RBFOX2: variants seen among roughly 807,000 people sequenced by gnomAD.
The protein encoded by RBFOX2 is RNA binding fox-1 homolog 2, also known as RNA binding protein fox-1 homolog 2.
Under a neutral mutation model 49.1 loss-of-function variants are expected in RBFOX2, and 10 were observed. The ratio of observed to expected loss-of-function variants is 0.20; its 90% CI spans 0.13 to 0.35. The LOEUF (loss-of-function observed/expected upper bound fraction) is 0.35. Ranked by LOEUF, RBFOX2 falls within the 10% of genes least tolerant of loss-of-function variation. RBFOX2 has a pLI of 1.00. For missense variants in RBFOX2, 323 were observed against 486.9 expected (o/e 0.66, Z 3.17); for synonymous variants, 183 against 187.4 (o/e 0.98, Z 0.19).
chr22:35,810,138 T>G lies in RBFOX2; in HGVS notation c.28-134A>C, dbSNP rs960334598. The G allele has an allele frequency of 1.5e-5, 12 of 796,146 alleles. 1 individual carries two copies. Among genetic ancestry groups the G allele is most frequent in the Non-Finnish European group, 2.2e-5 (11 of 501,118 alleles). 49.3% of individuals were successfully genotyped at this position (796,146 alleles called of 1,614,324 possible). A position where few individuals can be genotyped will look rare whatever the true frequency, so the allele number is the denominator to read the frequency against. ...AAATGGAATGCTTATTGCTCCAGGA[T>G]TGGAGAAAATATTATTACACATACA... On this transcript the variant is annotated intron_variant, in intron 1 of 11. Transcript: ENST00000405409.
At chr22:35,856,055 T>C (rs2042476911) in intron 1 of RBFOX2, among the ~76,000 whole-genome samples, 1 of 151,992 alleles carries the variant, frequency 6.6e-6, no homozygotes, top group South Asian at 2.1e-4. Context: ...TTAGAATGTC[T>C]GTTGAACAGA....
chr22:35,970,351 G>A (rs1005330711), intron 1 of RBFOX2, among the ~76,000 whole-genome samples: 7 of 151,942 alleles, frequency 4.6e-5, no homozygotes, highest in Non-Finnish European at 1.0e-4. Flanking sequence ...TGTACATTTA[G>A]CTCAAGAAAA....
chr22:35,961,743 C>T, upstream of RBFOX2: 1 of 1,225,040 alleles, frequency 8.2e-7, no homozygotes, highest in Non-Finnish European at 1.1e-6. Flanking sequence ...TTTCCGTTCT[C>T]CCCACACCAC....
chr22:35,913,533 T>C (rs1337127748), intron 1 of RBFOX2, among the ~76,000 whole-genome samples: 1 of 150,016 alleles, frequency 6.7e-6, no homozygotes, highest in Non-Finnish European at 1.5e-5. Flanking sequence ...ATCATTATAA[T>C]ATGTGTGTAT....
chr22:35,794,476 G>C (rs1948383520), intron 2 of RBFOX2, among the ~76,000 whole-genome samples: 1 of 152,058 alleles, frequency 6.6e-6, no homozygotes. Context: ...GGCTAACATG[G>C]TGAAACCCAG....
chr22:35,775,841 C>CAAAAAAAAAAAAAA (rs753116056), intron 4 of RBFOX2, among the ~76,000 whole-genome samples: 7 of 56,150 alleles, frequency 1.2e-4, no homozygotes, highest in African/African-American at 2.1e-4. Flanking sequence ...GAATCTGCCT[C>CAAAAAAAAAAAAAA]AAAAAAAAAA....
chr22:35,827,232 G>GTCCGGA (rs1275193556), intron 1 of RBFOX2, among the ~76,000 whole-genome samples: 1 of 152,156 alleles, frequency 6.6e-6, no homozygotes, highest in Non-Finnish European at 1.5e-5. Context: ...CATTTTCACA[G>GTCCGGA]TCCGGAGTGC....
At chr22:35,748,966 G>T (rs1318096510) in intron 9 of RBFOX2, among the ~76,000 whole-genome samples, 1 of 152,168 alleles carries the variant, frequency 6.6e-6, no homozygotes, top group Admixed American at 6.6e-5. Context: ...TAAAAAACAG[G>T]TTCTAAGTGA....
At chr22:35,961,898 CTT>C (rs927563139), upstream of RBFOX2, among the ~76,000 whole-genome samples, 4 of 152,272 alleles carry the variant, frequency 2.6e-5, no homozygotes, top group Admixed American at 2.0e-4. Flanking sequence ...AAAGTGGCTG[CTT>C]CACCTCCTCC....
At chr22:35,771,988 T>C (rs955537300) in intron 4 of RBFOX2, among the ~76,000 whole-genome samples, 2 of 152,168 alleles carry the variant, frequency 1.3e-5, no homozygotes, top group African/African-American at 4.8e-5. Context: ...TAAAATTATG[T>C]CTAAATCTAA....
chr22:35,961,418 TA>T (rs2056193698), intron 1 of RBFOX2: 2 of 829,066 alleles, frequency 2.4e-6, no homozygotes, highest in Admixed American at 4.0e-5. Flanking sequence ...GATTTTTTTT[TA>T]AATCAGGCAT....
At chr22:35,990,838 G>A (rs2057947052) in intron 1 of RBFOX2, among the ~76,000 whole-genome samples, 1 of 152,214 alleles carries the variant, frequency 6.6e-6, no homozygotes, top group South Asian at 2.1e-4. Flanking sequence ...AGACTAGCCA[G>A]ATTACACGAG....
chr22:35,944,817 T>C (rs1038853648), intron 1 of RBFOX2, among the ~76,000 whole-genome samples: 1 of 152,120 alleles, frequency 6.6e-6, no homozygotes, highest in Non-Finnish European at 1.5e-5. Context: ...GGCTCACGGC[T>C]GTAATCCCGG....
intron 1 of RBFOX2, among the ~76,000 whole-genome samples, chr22:35,991,232 A>G (rs2057965550): frequency 6.6e-6 from 1 of 152,206 alleles, no homozygotes; most frequent in African/African-American, 2.4e-5. Context: ...GAGGCTGAAG[A>G]TGAAGGAAGT....
exon 12 of RBFOX2, chr22:35,743,930 ATTTT>A (rs71658610): frequency 2.2e-5 from 7 of 312,350 alleles, no homozygotes; most frequent in Admixed American, 1.1e-4. Context: ...GAAATGCATT[ATTTT>A]TTTTTTTTTT....
At chr22:35,779,230 G>C (rs1218138110) in intron 3 of RBFOX2, among the ~76,000 whole-genome samples, 1 of 152,166 alleles carries the variant, frequency 6.6e-6, no homozygotes, top group Non-Finnish European at 1.5e-5. Context: ...TCAATGCTTG[G>C]ATGAAATGAA....
chr22:35,848,315 T>A (rs1199224321), intron 1 of RBFOX2, among the ~76,000 whole-genome samples: 2 of 152,146 alleles, frequency 1.3e-5, no homozygotes, highest in Non-Finnish European at 2.9e-5. Context: ...ATAAGTGAAA[T>A]CCACAAATAT....
upstream of RBFOX2, among the ~76,000 whole-genome samples, chr22:35,844,459 A>G (rs2040905284): frequency 6.6e-6 from 1 of 152,164 alleles, no homozygotes; most frequent in African/African-American, 2.4e-5. Flanking sequence ...CTTTCTTCCA[A>G]GAGCGCACTT....
In RBFOX2 at chr22:35,977,722, C is replaced by CTATAGATATATATATA. The variant is rs1289842750; in HGVS notation, c.187-38826_187-38825insTATATATATATCTATA. On this transcript the variant is annotated intron_variant, in intron 1 of 13. Coordinates refer to the RBFOX2 transcript ENST00000438146. ...TGCATGTAAATTATACCTGAATGAA[C>CTATAGATATATATATA]TATATATATATATATATATATATAT... is the stretch of plus-strand genomic sequence containing the variant. Among the ~76,000 whole-genome samples the CTATAGATATATATATA allele has an allele frequency of 2.4e-4, 19 of 80,842 alleles. 1 individual carries two copies. The highest frequency in any genetic ancestry group is 8.6e-4 in the African/African-American group (18 of 21,044). The allele number at this position is 80,842 out of a possible 152,430, so 53.0% of individuals were successfully genotyped here. A position where few individuals can be genotyped will look rare whatever the true frequency, so the allele number is the denominator to read the frequency against.
Sources: gnomAD v4.1 joint callset for allele counts (sites outside exome capture counted in the v4.1 genomes callset) on GRCh38, gnomAD v4.1.1 for gene constraint, MANE v1.5 for transcripts, NCBI Gene and HGNC (gene_info 2026-07-23, HGNC 2026-07-21) for gene names.